The following HHAT variants were observed in gnomAD, a reference collection of about 807,000 sequenced individuals.
HHAT encodes the protein protein-cysteine N-palmitoyltransferase HHAT.
A neutral mutation model predicts 70.8 loss-of-function variants in HHAT; 47 were observed. That is an observed-to-expected ratio of 0.66 (90% confidence interval 0.53 to 0.85). The LOEUF (loss-of-function observed/expected upper bound fraction) is 0.85, where lower values mean the gene tolerates loss of function less well. Among genes scored for constraint, HHAT ranks in the 40% least tolerant of loss-of-function variants. HHAT has a pLI of 0.00. For synonymous variants in HHAT, 228 were observed against 247.6 expected, an observed-to-expected ratio of 0.92 and a Z score of 0.74; for missense variants, 609 against 604.8, an observed-to-expected ratio of 1.01 and a Z score of -0.07.
chr1:210,467,198 G>A (rs138597507), intron 8 of HHAT, among the ~76,000 whole-genome samples: 11 of 152,274 alleles, frequency 7.2e-5, no homozygotes, highest in African/African-American at 2.6e-4. Context: ...TGTACAGAAT[G>A]GCCATTCCAT....
intron 3 of HHAT, among the ~76,000 whole-genome samples, chr1:210,383,382 C>G (rs2090802084): frequency 6.6e-6 from 1 of 151,854 alleles, no homozygotes; most frequent in Non-Finnish European, 1.5e-5. Context: ...GAAAAAAACC[C>G]AAAACTTATT....
At chr1:210,634,926 G>A (rs4951488) in intron 11 of HHAT, among the ~76,000 whole-genome samples, 87,905 of 151,960 alleles carry the variant, frequency 0.58, 25,667 homozygotes, top group Middle Eastern at 0.62. Context: ...TGGTCAGCTG[G>A]GTCTGGGTGC....
intron 11 of HHAT, among the ~76,000 whole-genome samples, chr1:210,664,084 G>A (rs938328320): frequency 3.3e-5 from 5 of 152,216 alleles, no homozygotes; most frequent in Admixed American, 6.5e-5. Flanking sequence ...TCTCCCCCAC[G>A]TTTGGAGTTA....
intron 9 of HHAT, among the ~76,000 whole-genome samples, chr1:210,514,161 T>C (rs2095010895): frequency 6.6e-6 from 1 of 152,204 alleles, no homozygotes; most frequent in African/African-American, 2.4e-5. Flanking sequence ...TCCTCCACAC[T>C]GGATATGGTG....
At chr1:210,645,044 G>T (rs1200933343) in intron 11 of HHAT, among the ~76,000 whole-genome samples, 1 of 152,130 alleles carries the variant, frequency 6.6e-6, no homozygotes, top group Non-Finnish European at 1.5e-5. Flanking sequence ...AATATATTTA[G>T]TTAATATATT....
chr1:210,327,886 T>G (rs927099766), upstream of HHAT, among the ~76,000 whole-genome samples: 3 of 152,210 alleles, frequency 2.0e-5, no homozygotes, highest in Admixed American at 6.5e-5. Flanking sequence ...TACTAACACC[T>G]GCTTACTGAA....
chr1:210,449,278 CTTT>C (rs5780578), intron 7 of HHAT, among the ~76,000 whole-genome samples: 2 of 147,028 alleles, frequency 1.4e-5, no homozygotes, highest in East Asian at 2.0e-4. Context: ...TCATCCTCTA[CTTT>C]TTTTTTTTTT....
intron 9 of HHAT, among the ~76,000 whole-genome samples, chr1:210,580,792 G>A (rs1438623402): frequency 6.6e-6 from 1 of 152,088 alleles, no homozygotes; most frequent in East Asian, 1.9e-4. Flanking sequence ...ACATATGTGT[G>A]CATGTGTCTT....
intron 2 of HHAT, among the ~76,000 whole-genome samples, chr1:210,362,105 C>G (rs2088388020): frequency 6.6e-6 from 1 of 152,140 alleles, no homozygotes; most frequent in Admixed American, 6.5e-5. Context: ...TCTTTTGTTT[C>G]AAATCAACTG....
intron 6 of HHAT, among the ~76,000 whole-genome samples, chr1:210,411,582 A>G (rs565753591): frequency 6.8e-6 from 1 of 146,038 alleles, no homozygotes; most frequent in South Asian, 2.4e-4. Context: ...GGTGAAACTC[A>G]GCTCTACAAA....
chr1:210,661,929 C>T (rs1395216035), intron 11 of HHAT, among the ~76,000 whole-genome samples: 1 of 152,140 alleles, frequency 6.6e-6, no homozygotes, highest in Non-Finnish European at 1.5e-5. Context: ...CACATGTATA[C>T]ATATGTAACA....
chr1:210,466,892 G>C (rs2094119763), intron 8 of HHAT, among the ~76,000 whole-genome samples: 1 of 152,108 alleles, frequency 6.6e-6, no homozygotes, highest in African/African-American at 2.4e-5. Context: ...GAGACCCCAG[G>C]CTGCTGAAAC....
chr1:210,583,206 A>G (rs1427056236), intron 9 of HHAT, among the ~76,000 whole-genome samples: 2 of 152,222 alleles, frequency 1.3e-5, no homozygotes, highest in African/African-American at 4.8e-5. Flanking sequence ...CTATTTATAT[A>G]GATTCCTCCT....
At chr1:210,448,431 T>C (rs73073801) in intron 7 of HHAT, among the ~76,000 whole-genome samples, 246 of 152,242 alleles carry the variant, frequency 1.6e-3, no homozygotes, top group African/African-American at 5.8e-3. Flanking sequence ...CATATGAGGG[T>C]TTATCAGTCT....
At chr1:210,407,483 T>G (rs2092378571) in intron 6 of HHAT, among the ~76,000 whole-genome samples, 1 of 152,162 alleles carries the variant, frequency 6.6e-6, no homozygotes, top group South Asian at 2.1e-4. Flanking sequence ...AAAGATCAAA[T>G]GACAATGTTA....
intron 7 of HHAT, among the ~76,000 whole-genome samples, chr1:210,419,955 T>C (rs1019936321): frequency 2.6e-5 from 4 of 152,188 alleles, no homozygotes; most frequent in Non-Finnish European, 4.4e-5. Context: ...ATAAGGAAGT[T>C]ATTCCATATA....
intron 11 of HHAT, among the ~76,000 whole-genome samples, chr1:210,650,903 T>A (rs1674998527): frequency 6.6e-6 from 1 of 152,236 alleles, no homozygotes; most frequent in Admixed American, 6.5e-5. Flanking sequence ...ATATAATTTT[T>A]AACATATTCT....
intron 9 of HHAT, among the ~76,000 whole-genome samples, chr1:210,569,081 A>G (rs1474344902): frequency 1.3e-5 from 2 of 152,246 alleles, no homozygotes; most frequent in East Asian, 1.9e-4. Flanking sequence ...TGTCAGAAGT[A>G]TAGCAGCAGA....
chr1:210,385,935 A>G (rs1461002066), intron 3 of HHAT, among the ~76,000 whole-genome samples: 1 of 152,222 alleles, frequency 6.6e-6, no homozygotes, highest in Admixed American at 6.5e-5. Flanking sequence ...GTTCAAGGTC[A>G]TCACAGCAAG....
Sources: gnomAD v4.1 joint callset for allele counts (sites outside exome capture counted in the v4.1 genomes callset) on GRCh38, gnomAD v4.1.1 for gene constraint, MANE v1.5 for transcripts, NCBI Gene and HGNC (gene_info 2026-07-23, HGNC 2026-07-21) for gene names.